SCN11A: variants seen among roughly 807,000 people sequenced by gnomAD.
The protein encoded by SCN11A is sodium voltage-gated channel alpha subunit 11, also known as sodium channel protein type 11 subunit alpha.
A neutral mutation model predicts 162.2 loss-of-function variants in SCN11A; 122 were observed. The ratio of observed to expected loss-of-function variants is 0.75; its 90% confidence interval spans 0.65 to 0.87. SCN11A has a LOEUF of 0.87. SCN11A is among the 40% of genes least tolerant of loss of function. The probability of loss-of-function intolerance (pLI) is 0.00; values close to 1 mark genes in which losing one functional copy is unlikely to be tolerated. For missense variants in SCN11A, 2,015 were observed against 2,181.6 expected, an observed-to-expected ratio of 0.92 and a Z score of 1.52; for synonymous variants, 758 against 751.5, an observed-to-expected ratio of 1.01 and a Z score of -0.14.
At chr3:38,994,650 G>A (rs2030555818) in intron 2 of SCN11A, among the ~76,000 whole-genome samples, 2 of 152,220 alleles carry the variant, frequency 1.3e-5, no homozygotes. Context: ...GTTGGCCTAA[G>A]TCCCTTGGAG....
chr3:38,993,013 A>G (rs1255983558), intron 2 of SCN11A, among the ~76,000 whole-genome samples: 1 of 152,236 alleles, frequency 6.6e-6, no homozygotes, highest in Non-Finnish European at 1.5e-5. Flanking sequence ...GCAATGGCCA[A>G]TGCTGCACTC....
intron 3 of SCN11A, among the ~76,000 whole-genome samples, chr3:38,954,659 CAAAA>C (rs2066660250): frequency 6.6e-6 from 1 of 151,638 alleles, no homozygotes; most frequent in Non-Finnish European, 1.5e-5. Flanking sequence ...AACAAAAAAA[CAAAA>C]AAACACACAC....
intron 1 of SCN11A, among the ~76,000 whole-genome samples, chr3:39,035,802 G>A (rs1031428286): frequency 2.0e-5 from 3 of 152,114 alleles, no homozygotes; most frequent in Non-Finnish European, 1.5e-5. Context: ...ACCACGCCTG[G>A]CTAATTTTTT....
At chr3:39,019,768 TATA>T (rs1168133187) in intron 2 of SCN11A, among the ~76,000 whole-genome samples, 1 of 152,266 alleles carries the variant, frequency 6.6e-6, no homozygotes, top group African/African-American at 2.4e-5. Flanking sequence ...CTTTCTTATT[TATA>T]ATGATATTCC....
chr3:38,899,259 A>G (rs954835593), intron 17 of SCN11A, among the ~76,000 whole-genome samples: 2 of 152,058 alleles, frequency 1.3e-5, no homozygotes, highest in Non-Finnish European at 2.9e-5. Context: ...CCAGTCTTGT[A>G]TCACTCCTGT....
chr3:38,968,473 A>G (rs1400441687), intron 2 of SCN11A, among the ~76,000 whole-genome samples: 1 of 152,264 alleles, frequency 6.6e-6, no homozygotes, highest in Non-Finnish European at 1.5e-5. Flanking sequence ...TAAATGAGGC[A>G]GTATGCCAAA....
chr3:38,998,816 C>A (rs1211499463), intron 2 of SCN11A, among the ~76,000 whole-genome samples: 2 of 148,490 alleles, frequency 1.3e-5, no homozygotes, highest in African/African-American at 5.0e-5. Flanking sequence ...GACAAAAAAC[C>A]AAACACCACA....
chr3:38,848,185 T>G (rs1157547207), intron 29 of SCN11A, among the ~76,000 whole-genome samples: 5 of 152,232 alleles, frequency 3.3e-5, no homozygotes, highest in African/African-American at 9.6e-5. Flanking sequence ...ACTTTCTCTG[T>G]TGCTGCAAAC....
chr3:38,932,108 T>G (rs2066250146), intron 7 of SCN11A, among the ~76,000 whole-genome samples: 1 of 152,148 alleles, frequency 6.6e-6, no homozygotes, highest in African/African-American at 2.4e-5. Flanking sequence ...ACAAAAGACA[T>G]TTAGAAAATA....
At chr3:38,883,917 A>G (rs1385134957) in intron 21 of SCN11A, among the ~76,000 whole-genome samples, 2 of 152,202 alleles carry the variant, frequency 1.3e-5, no homozygotes, top group African/African-American at 4.8e-5. Flanking sequence ...GGAATGAGGT[A>G]GGATGGCCAC....
chr3:38,988,402 G>A (rs887592378), intron 2 of SCN11A, among the ~76,000 whole-genome samples: 2 of 152,050 alleles, frequency 1.3e-5, no homozygotes, highest in African/African-American at 4.8e-5. Context: ...TCCATCACAA[G>A]TCTCTGGGCT....
intron 1 of SCN11A, among the ~76,000 whole-genome samples, chr3:39,047,106 C>T (rs1181287809): frequency 7.2e-6 from 1 of 138,978 alleles, no homozygotes; most frequent in Non-Finnish European, 1.5e-5. Context: ...CTATGTTTCC[C>T]AGGCTGGAGT....
At chr3:38,850,250 T>C in intron 29 of SCN11A, 1 of 499,894 alleles carries the variant, frequency 2.0e-6, no homozygotes, top group Non-Finnish European at 3.5e-6. Flanking sequence ...AGCTGCATGA[T>C]TATTGAACTC....
intron 3 of SCN11A, among the ~76,000 whole-genome samples, chr3:38,954,298 T>C (rs762489469): frequency 6.6e-6 from 1 of 152,162 alleles, no homozygotes; most frequent in Non-Finnish European, 1.5e-5. Context: ...ACTCTAGAGC[T>C]CAAGAAAGAC....
intron 2 of SCN11A, among the ~76,000 whole-genome samples, chr3:38,973,618 A>T (rs2066830594): frequency 6.6e-6 from 1 of 152,222 alleles, no homozygotes; most frequent in African/African-American, 2.4e-5. Flanking sequence ...TTAAAAGTTT[A>T]AAAATTAGAA....
Position 38,846,994 on chromosome 3 carries a change from C to A in SCN11A, c.5076G>T (p.Arg1692Ser), listed in dbSNP as rs1575200571. The change falls in exon 30 of 30, where the codon AGG (arginine) becomes AGT (serine). Residue 1692 changes from arginine (R) to serine (S), a missense_variant. Physicochemically the swap from Arg to Ser is moderately radical, Grantham distance 110. Transcript: ENST00000302328. ...CMDILFAFTARVLGGSDGLDS... is the reference protein window; with the variant it reads ...CMDILFAFTASVLGGSDGLDS... Reference sequence around the variant, plus strand: ...CTAGGCCATCAGAGCCACCGAGTACCCTAGCGGTGAAGGCGAAAAGAATAT... The same window carrying A: ...CTAGGCCATCAGAGCCACCGAGTACACTAGCGGTGAAGGCGAAAAGAATAT... The A allele has an allele frequency of 6.2e-7, 1 of 1,614,092 alleles. No individual in the cohort carries two copies. Among genetic ancestry groups the A allele is most frequent in the Non-Finnish European group, 8.5e-7 (1 of 1,180,018 alleles).
At chr3:38,904,805 C>A (rs1457327846) in intron 15 of SCN11A, among the ~76,000 whole-genome samples, 1 of 152,208 alleles carries the variant, frequency 6.6e-6, no homozygotes, top group Non-Finnish European at 1.5e-5. Context: ...CTGACTCTAA[C>A]TTCAATAACA....
At chr3:38,943,298 C>A (rs79697385) in intron 7 of SCN11A, among the ~76,000 whole-genome samples, 1 of 152,104 alleles carries the variant, frequency 6.6e-6, no homozygotes, top group East Asian at 1.9e-4. Context: ...GAAATGAGAT[C>A]GATGTTTGTC....
chr3:39,026,903 G>T (rs2031602349), intron 2 of SCN11A, among the ~76,000 whole-genome samples: 2 of 152,174 alleles, frequency 1.3e-5, no homozygotes, highest in African/African-American at 2.4e-5. Context: ...CAAGGACAGA[G>T]CCCATGGTCT....
Sources: allele counts gnomAD v4.1 joint callset (sites outside exome capture counted in the v4.1 genomes callset), GRCh38; gene constraint gnomAD v4.1.1; transcripts MANE v1.5; gene names NCBI Gene and HGNC (gene_info 2026-07-23, HGNC 2026-07-21).